FGGY: variants seen among roughly 807,000 people sequenced by gnomAD.
FGGY encodes the protein FGGY carbohydrate kinase domain containing.
A neutral mutation model predicts 71.3 loss-of-function variants in FGGY; 72 were observed. The observed-to-expected ratio is 1.01, with a 90% CI of 0.84 to 1.23. The LOEUF (loss-of-function observed/expected upper bound fraction) is 1.23. Ranked by LOEUF, FGGY falls within the 50% of genes most tolerant of loss-of-function variation. The pLI, the probability that FGGY is intolerant of heterozygous loss-of-function variation, is 0.00. For synonymous variants in FGGY, 251 were observed against 250.3 expected, an observed-to-expected ratio of 1.00 and a Z score of -0.02; for missense variants, 668 against 682.3, an observed-to-expected ratio of 0.98 and a Z score of 0.23.
chr1:59,614,902 G>T (rs2096734156), intron 9 of FGGY, among the ~76,000 whole-genome samples: 1 of 152,162 alleles, frequency 6.6e-6, no homozygotes, highest in Non-Finnish European at 1.5e-5. Flanking sequence ...ATTCACAATT[G>T]CTTCAAAGAG....
intron 1 of FGGY, among the ~76,000 whole-genome samples, chr1:59,297,802 G>C (rs911169635): frequency 7.3e-5 from 11 of 150,312 alleles, no homozygotes; most frequent in African/African-American, 2.5e-4. Context: ...CAGCCTGGGG[G>C]ACAGAGCGTC....
intron 5 of FGGY, among the ~76,000 whole-genome samples, chr1:59,417,059 C>T (rs1003995032): frequency 5.9e-5 from 9 of 152,142 alleles, no homozygotes; most frequent in Non-Finnish European, 1.3e-4. Context: ...CCCCAGTATC[C>T]GATTCCAAAA....
chr1:59,554,921 A>G (rs960726020), intron 8 of FGGY, among the ~76,000 whole-genome samples: 14 of 152,166 alleles, frequency 9.2e-5, no homozygotes, highest in African/African-American at 3.1e-4. Flanking sequence ...ATTTTCCCAG[A>G]TAAGTATAAT....
At chr1:59,434,480 A>G (rs2068006808) in intron 5 of FGGY, among the ~76,000 whole-genome samples, 1 of 152,240 alleles carries the variant, frequency 6.6e-6, no homozygotes, top group African/African-American at 2.4e-5. Context: ...GCGACAAGAC[A>G]GGGTAGGGAG....
chr1:59,592,260 G>A (rs1225102371), intron 8 of FGGY, among the ~76,000 whole-genome samples: 1 of 152,052 alleles, frequency 6.6e-6, no homozygotes, highest in Non-Finnish European at 1.5e-5. Flanking sequence ...AGTTAGAATG[G>A]CAGTCATTAA....
chr1:59,698,801 G>A lies in FGGY; in HGVS notation c.1512+24668G>A, dbSNP rs1209704403. 7.1e-6 allele frequency: 7 copies of A among 985,252 alleles called. No homozygotes were observed. In the African/African-American group the frequency reaches 1.2e-4, roughly 17 times the overall value. 61.0% of individuals were successfully genotyped at this position (985,252 alleles called of 1,614,324 possible). On this transcript the variant is annotated intron_variant, in intron 14 of 15. Transcript: ENST00000303721. ...TAAAAGCGCAGCGCATACATTGAGT[G>A]CGTGTACTTAATTTTTAATATGTGT...
At chr1:59,631,145 G>A (rs2096904986) in intron 10 of FGGY, among the ~76,000 whole-genome samples, 1 of 152,060 alleles carries the variant, frequency 6.6e-6, no homozygotes, top group African/African-American at 2.4e-5. Flanking sequence ...TTGACTTTCT[G>A]GAATGTCACC....
chr1:59,372,615 ATT>A (rs1231985178), intron 4 of FGGY, among the ~76,000 whole-genome samples: 1 of 152,208 alleles, frequency 6.6e-6, no homozygotes, highest in Non-Finnish European at 1.5e-5. Context: ...AAAAAAGAGA[ATT>A]TTAGACCAAT....
At chr1:59,373,228 C>T (rs1475705213) in intron 4 of FGGY, among the ~76,000 whole-genome samples, 2 of 152,044 alleles carry the variant, frequency 1.3e-5, no homozygotes, top group African/African-American at 4.8e-5. Context: ...GATACAAAAT[C>T]AATGTACAAA....
intron 6 of FGGY, among the ~76,000 whole-genome samples, chr1:59,487,611 CACTCAG>C: frequency 6.6e-6 from 1 of 152,198 alleles, no homozygotes; most frequent in South Asian, 2.1e-4. Context: ...GTTGCTGAGG[CACTCAG>C]TTAAGCTTAG....
chr1:59,359,382 C>T (rs974957678), intron 4 of FGGY, among the ~76,000 whole-genome samples: 1 of 152,120 alleles, frequency 6.6e-6, no homozygotes, highest in African/African-American at 2.4e-5. Flanking sequence ...ATGAAAGAAT[C>T]ATACTTGAGA....
At chr1:59,574,486 A>G (rs1354468721) in intron 8 of FGGY, among the ~76,000 whole-genome samples, 1 of 151,914 alleles carries the variant, frequency 6.6e-6, no homozygotes, top group Non-Finnish European at 1.5e-5. Flanking sequence ...AGTAACATTC[A>G]TAGGTTCCAG....
At chr1:59,573,439 CAT>C (rs1339722464) in intron 8 of FGGY, among the ~76,000 whole-genome samples, 1 of 151,808 alleles carries the variant, frequency 6.6e-6, no homozygotes, top group Non-Finnish European at 1.5e-5. Flanking sequence ...TACATATACA[CAT>C]ATGTGTGTGT....
chr1:59,475,541 G>A (rs1180660830), intron 6 of FGGY, among the ~76,000 whole-genome samples: 2 of 152,206 alleles, frequency 1.3e-5, no homozygotes, highest in East Asian at 3.8e-4. Context: ...ACTTGGGGAA[G>A]CCAGGATTGA....
intron 9 of FGGY, among the ~76,000 whole-genome samples, chr1:59,615,978 A>C (rs1158775290): frequency 2.0e-5 from 3 of 152,188 alleles, no homozygotes; most frequent in African/African-American, 7.2e-5. Context: ...AATGGCAATC[A>C]TTAAAAAGTC....
At chr1:59,591,629 A>G (rs2096441086) in intron 8 of FGGY, among the ~76,000 whole-genome samples, 2 of 152,170 alleles carry the variant, frequency 1.3e-5, no homozygotes, top group South Asian at 4.1e-4. Context: ...CTCAGAAATA[A>G]CACCGCATAT....
chr1:59,364,292 A>G (rs2056179547), intron 4 of FGGY, among the ~76,000 whole-genome samples: 1 of 152,158 alleles, frequency 6.6e-6, no homozygotes, highest in Admixed American at 6.5e-5. Flanking sequence ...ATTAAAATGA[A>G]ACTTCTCCAA....
chr1:59,535,769 C>G (rs370172772), intron 7 of FGGY, among the ~76,000 whole-genome samples: 4,602 of 134,442 alleles, frequency 0.034, 124 homozygotes, highest in South Asian at 0.11. Flanking sequence ...AAATAAAGAT[C>G]TTCTTTGAAA....
chr1:59,444,907 G>GT (rs1267931238), intron 5 of FGGY, among the ~76,000 whole-genome samples: 1 of 152,106 alleles, frequency 6.6e-6, no homozygotes, highest in Non-Finnish European at 1.5e-5. Flanking sequence ...TTATCTAGTT[G>GT]TAATTGTGTA....
Sources: gnomAD v4.1 joint callset for allele counts (sites outside exome capture counted in the v4.1 genomes callset) on GRCh38, gnomAD v4.1.1 for gene constraint, MANE v1.5 for transcripts, NCBI Gene and HGNC (gene_info 2026-07-23, HGNC 2026-07-21) for gene names.